SYN3: variants seen among roughly 807,000 people sequenced by gnomAD.
SYN3 encodes the protein synapsin III, also known as synapsin-3.
Under a neutral mutation model 65.8 loss-of-function variants are expected in SYN3, and 35 were observed. The observed-to-expected ratio is 0.53, with a 90% CI of 0.41 to 0.70. SYN3 has a LOEUF of 0.70. SYN3 is among the 30% of genes least tolerant of loss of function. The pLI is 0.00. For synonymous variants in SYN3, 270 were observed against 292.9 expected, an observed-to-expected ratio of 0.92 and a Z score of 0.80; for missense variants, 680 against 749.0, an observed-to-expected ratio of 0.91 and a Z score of 1.08.
chr22:32,825,399 G>A (rs1478411827), intron 6 of SYN3, among the ~76,000 whole-genome samples: 1 of 151,916 alleles, frequency 6.6e-6, no homozygotes, highest in Non-Finnish European at 1.5e-5. Context: ...GGTGGCTCAC[G>A]CCTGTAATCC....
chr22:32,858,217 G>GC, intron 6 of SYN3: 1 of 1,588,032 alleles, frequency 6.3e-7, no homozygotes, highest in Non-Finnish European at 8.6e-7. Flanking sequence ...AATGCACTGG[G>GC]TGCCAGGCCC....
chr22:32,851,682 C>G (rs1403594595), intron 6 of SYN3, among the ~76,000 whole-genome samples: 1 of 152,166 alleles, frequency 6.6e-6, no homozygotes, highest in Non-Finnish European at 1.5e-5. Context: ...AAGGGCAGAT[C>G]TGATCCCCAA....
At chr22:32,515,415 A>T (rs2057754933) in intron 13 of SYN3, among the ~76,000 whole-genome samples, 1 of 152,192 alleles carries the variant, frequency 6.6e-6, no homozygotes, top group African/African-American at 2.4e-5. Context: ...CATGTGAGGA[A>T]ATTGAAGCAC....
intron 4 of SYN3, among the ~76,000 whole-genome samples, chr22:32,921,845 G>A (rs574601435): frequency 2.0e-5 from 3 of 152,262 alleles, no homozygotes; most frequent in East Asian, 1.9e-4. Context: ...AGGAGGAGGA[G>A]GGGGAGTATT....
intron 4 of SYN3, among the ~76,000 whole-genome samples, chr22:32,900,504 GAAC>G (rs1601652928): frequency 6.6e-6 from 1 of 152,156 alleles, no homozygotes. Flanking sequence ...ATTTGGCAGT[GAAC>G]AACAAAAACA....
chr22:32,777,647 A>C (rs1300129293), intron 6 of SYN3, among the ~76,000 whole-genome samples: 1 of 152,122 alleles, frequency 6.6e-6, no homozygotes, highest in Non-Finnish European at 1.5e-5. Context: ...TCCCCAAAGA[A>C]CCCTCAGATT....
At chr22:32,838,258 G>GC (rs2047793901) in intron 6 of SYN3, among the ~76,000 whole-genome samples, 1 of 149,350 alleles carries the variant, frequency 6.7e-6, no homozygotes, top group African/African-American at 2.6e-5. Context: ...AGGAGAAGGA[G>GC]GGGGGGTGGC....
intron 6 of SYN3, 38 bp downstream of exon 6, chr22:32,864,877 G>A (rs1056386538): frequency 6.4e-6 from 10 of 1,553,540 alleles, no homozygotes; most frequent in South Asian, 1.1e-5. Flanking sequence ...TATTCATTCC[G>A]CATCATGCAA....
chr22:32,609,526 G>T (rs1486748690), intron 6 of SYN3, among the ~76,000 whole-genome samples: 2 of 150,112 alleles, frequency 1.3e-5, no homozygotes, highest in Non-Finnish European at 3.0e-5. Context: ...GCCCAGGCTG[G>T]AGTACAGTGG....
chr22:33,026,082 CT>C (rs748905536), intron 1 of SYN3, among the ~76,000 whole-genome samples: 4 of 152,210 alleles, frequency 2.6e-5, no homozygotes, highest in Non-Finnish European at 5.9e-5. Flanking sequence ...ATGGCTGCAT[CT>C]TAGAGCCCAG....
chr22:32,925,056 T>C (rs1284335965), intron 4 of SYN3, among the ~76,000 whole-genome samples: 1 of 152,006 alleles, frequency 6.6e-6, no homozygotes, highest in African/African-American at 2.4e-5. Context: ...CGCATCACTG[T>C]ACCCCAGCCT....
chr22:33,001,702 T>C (rs573576281), intron 2 of SYN3, among the ~76,000 whole-genome samples: 3 of 152,354 alleles, frequency 2.0e-5, no homozygotes, highest in Admixed American at 6.5e-5. Flanking sequence ...TGCACTGTTA[T>C]ACTAACTCAG....
intron 3 of SYN3, among the ~76,000 whole-genome samples, chr22:32,935,998 A>C (rs1429317915): frequency 1.3e-5 from 2 of 152,280 alleles, no homozygotes; most frequent in African/African-American, 4.8e-5. Flanking sequence ...GCTGAGACTC[A>C]GTAAATAGTT....
At position 32,801,217 on chromosome 22, in the gene SYN3, C is replaced by A. The variant is rs2046564158; in HGVS notation, c.711+63698G>T. On this transcript the variant is annotated intron_variant, in intron 6 of 13. Transcript: ENST00000358763. This position sits in a 1 kb window ranked among gnomAD's most constrained non-coding sequence, Gnocchi z 4.7. ...AGAGTTTGGGTCTTTCTCCTCTGTG[C>A]CTGCTCTCTCCAGAGAAACTGGAGG... 6.6e-6 allele frequency among the ~76,000 whole-genome samples: 1 copy of A among 152,218 alleles called. No homozygotes were observed. Among genetic ancestry groups the A allele is most frequent in the Admixed American group, 6.5e-5 (1 of 15,288 alleles).
rs533669795 is a variant in SYN3 at position 32,586,598 on chromosome 22, G to T, written c.774+10076C>A. On this transcript the variant is annotated intron_variant, in intron 7 of 13. Coordinates refer to ENST00000358763, the MANE Select transcript of SYN3 (RefSeq NM_003490.4). The stretch of plus-strand genomic sequence containing the variant: ...GCATAAGTGTGGCACCAAATAGACT[G>T]CAAGAAGGACACTTGTTTACGGTTT... Among the ~76,000 whole-genome samples the T allele has an allele frequency of 5.3e-4, 81 of 152,188 alleles. 1 individual carries two copies. Among genetic ancestry groups the T allele is most frequent in the African/African-American group, 1.8e-3 (76 of 41,514 alleles).
At chr22:32,527,701 G>C (rs2058002652) in intron 12 of SYN3, 2 of 528,540 alleles carry the variant, frequency 3.8e-6, no homozygotes, top group East Asian at 3.2e-5. Flanking sequence ...ACAGTGCTTG[G>C]TGCATATTAG....
At chr22:32,946,834 G>A (rs186148032) in intron 3 of SYN3, among the ~76,000 whole-genome samples, 1 of 152,282 alleles carries the variant, frequency 6.6e-6, no homozygotes, top group Non-Finnish European at 1.5e-5. Context: ...AGGAGATTAT[G>A]TCTAGACATC....
At chr22:32,593,960 G>A (rs1336158534) in intron 7 of SYN3, among the ~76,000 whole-genome samples, 2 of 152,144 alleles carry the variant, frequency 1.3e-5, no homozygotes, top group African/African-American at 2.4e-5. Flanking sequence ...ACTATAAGGA[G>A]AGTTTGGGAC....
chr22:32,526,704 A>G (rs1601564041), intron 12 of SYN3, among the ~76,000 whole-genome samples: 1 of 151,972 alleles, frequency 6.6e-6, no homozygotes, highest in South Asian at 2.1e-4. Flanking sequence ...TATTTTTAGT[A>G]CTGATGGGGT....
Sources: allele counts gnomAD v4.1 joint callset (sites outside exome capture counted in the v4.1 genomes callset), GRCh38; gene constraint gnomAD v4.1.1; non-coding constraint Gnocchi (gnomAD v3.1); transcripts MANE v1.5; gene names NCBI Gene and HGNC (gene_info 2026-07-23, HGNC 2026-07-21).